The following EYS variants were observed in gnomAD, a reference collection of about 807,000 sequenced individuals.
EYS encodes the protein protein eyes shut homolog.
Under a neutral mutation model 282.1 loss-of-function variants are expected in EYS, and 250 were observed. That is an observed-to-expected ratio of 0.89 (90% CI 0.80 to 0.98). EYS has a LOEUF of 0.98. EYS is among the 50% of genes least tolerant of loss of function. The pLI is 0.00. For missense variants in EYS, 4,016 were observed against 3,709.0 expected (o/e 1.08, Z -2.15); for synonymous variants, 1,355 against 1,282.9 (o/e 1.06, Z -1.20).
At chr6:64,999,016 T>C (rs1771368116) in intron 13 of EYS, among the ~76,000 whole-genome samples, 1 of 152,210 alleles carries the variant, frequency 6.6e-6, no homozygotes, top group Admixed American at 6.5e-5. Context: ...AAAGGTCACT[T>C]TGAACAAACG....
chr6:64,979,271 T>C (rs1770575336), intron 14 of EYS, among the ~76,000 whole-genome samples: 1 of 151,752 alleles, frequency 6.6e-6, no homozygotes, highest in Admixed American at 6.6e-5. Context: ...TTTTATGAAG[T>C]AACCAATGCG....
chr6:63,847,400 T>G (rs758111443), intron 36 of EYS, among the ~76,000 whole-genome samples: 3 of 152,146 alleles, frequency 2.0e-5, no homozygotes, highest in Non-Finnish European at 4.4e-5. Flanking sequence ...TCTTCCTTCC[T>G]CTCCCTTTTT....
chr6:64,846,822 GT>G (rs978571734), intron 19 of EYS, among the ~76,000 whole-genome samples: 2 of 151,990 alleles, frequency 1.3e-5, no homozygotes, highest in African/African-American at 4.8e-5. Context: ...ATAAATTATT[GT>G]TTTTTATTAG....
At chr6:64,358,331 A>C (rs529470459) in intron 29 of EYS, among the ~76,000 whole-genome samples, 1 of 151,788 alleles carries the variant, frequency 6.6e-6, no homozygotes, top group South Asian at 2.1e-4. Context: ...AACCTGCTTC[A>C]AAGTGGCAAA....
intron 26 of EYS, among the ~76,000 whole-genome samples, chr6:64,489,073 A>G (rs956212638): frequency 9.3e-5 from 14 of 150,978 alleles, no homozygotes; most frequent in African/African-American, 3.4e-4. Context: ...ATGCTGTCTC[A>G]TAGAAAGACA....
intron 36 of EYS, chr6:63,821,319 G>A (rs1475186841): frequency 2.0e-5 from 3 of 152,050 alleles, no homozygotes; most frequent in Non-Finnish European, 4.4e-5. Context: ...ACACATCAAA[G>A]TGAGGGATTT....
chr6:65,569,477 T>C (rs1764404922), intron 2 of EYS, among the ~76,000 whole-genome samples: 2 of 152,152 alleles, frequency 1.3e-5, no homozygotes, highest in African/African-American at 4.8e-5. Flanking sequence ...ATTGTAGGAC[T>C]AACAAATTAG....
At chr6:65,522,765 G>C (rs762714551) in intron 2 of EYS, among the ~76,000 whole-genome samples, 13 of 151,840 alleles carry the variant, frequency 8.6e-5, no homozygotes, top group Non-Finnish European at 1.8e-4. Context: ...TCACATTTTT[G>C]ATACCTTTTG....
Position 64,578,921 on chromosome 6 carries a change from A to G in EYS, c.5644+11302T>C, listed in dbSNP as rs1257601473. Among the ~76,000 whole-genome samples, 3 of 152,134 alleles carry G rather than the reference A, an allele frequency of 2.0e-5. No homozygotes were observed. The East Asian group carries it at 5.8e-4, about 29-fold the overall frequency. ...TTCAAAATATTGCTGATTGATGCCT[A>G]TTAAAGTGACAACTTGTCATACTGC... is the stretch of plus-strand genomic sequence containing the variant. On this transcript the variant is annotated intron_variant, in intron 26 of 42. Coordinates refer to ENST00000503581, the MANE Select transcript of EYS (RefSeq NM_001142800.2).
intron 36 of EYS, among the ~76,000 whole-genome samples, chr6:63,858,290 C>T (rs1772443906): frequency 6.6e-6 from 1 of 152,104 alleles, no homozygotes; most frequent in African/African-American, 2.4e-5. Context: ...GAACTCCTGA[C>T]CTCAGGTGAT....
At chr6:63,792,123 A>G (rs1431850944) in intron 37 of EYS, among the ~76,000 whole-genome samples, 1 of 151,776 alleles carries the variant, frequency 6.6e-6, no homozygotes. Context: ...AGTCTGGGGG[A>G]AAAGGCTGAG....
chr6:65,272,853 C>T (rs902316530), intron 12 of EYS, among the ~76,000 whole-genome samples: 15 of 152,016 alleles, frequency 9.9e-5, no homozygotes, highest in African/African-American at 2.2e-4. Context: ...TTGGCATGAG[C>T]GGCCTTAATC....
chr6:64,701,449 T>A (rs1172188353), intron 22 of EYS, among the ~76,000 whole-genome samples: 2 of 152,042 alleles, frequency 1.3e-5, no homozygotes, highest in African/African-American at 2.4e-5. Context: ...GAGACTAATA[T>A]CCAGAATCTA....
chr6:65,275,873 A>G (rs1303621622), intron 12 of EYS, among the ~76,000 whole-genome samples: 1 of 152,140 alleles, frequency 6.6e-6, no homozygotes, highest in Non-Finnish European at 1.5e-5. Context: ...ATTACTCTGG[A>G]TATGATTTGC....
At chr6:64,701,484 A>G (rs1770786932) in intron 22 of EYS, among the ~76,000 whole-genome samples, 1 of 152,092 alleles carries the variant, frequency 6.6e-6, no homozygotes, top group East Asian at 1.9e-4. Flanking sequence ...ACCATTATAA[A>G]AAGATATCTG....
intron 31 of EYS, among the ~76,000 whole-genome samples, chr6:64,226,346 G>C (rs1407549979): frequency 1.3e-5 from 2 of 151,998 alleles, no homozygotes; most frequent in East Asian, 3.9e-4. Flanking sequence ...AATATATGTA[G>C]ATAGAATATC....
At chr6:64,683,102 G>A (rs1478973282) in intron 22 of EYS, among the ~76,000 whole-genome samples, 1 of 152,198 alleles carries the variant, frequency 6.6e-6, no homozygotes, top group Non-Finnish European at 1.5e-5. Context: ...CTCTAGGGAA[G>A]GCAGAGTTTA....
At chr6:64,352,262 A>C (rs1002106381) in intron 29 of EYS, among the ~76,000 whole-genome samples, 14 of 151,460 alleles carry the variant, frequency 9.2e-5, no homozygotes, top group African/African-American at 3.4e-4. Context: ...AAACCTCTGA[A>C]CTCTATTATT....
intron 28 of EYS, among the ~76,000 whole-genome samples, chr6:64,395,794 GAAA>G (rs565089475): frequency 6.9e-6 from 1 of 145,240 alleles, no homozygotes; most frequent in Non-Finnish European, 1.5e-5. Flanking sequence ...TAAAAAAAAA[GAAA>G]AAAAAACAAA....
Sources: allele counts gnomAD v4.1 joint callset (sites outside exome capture counted in the v4.1 genomes callset), GRCh38; gene constraint gnomAD v4.1.1; transcripts MANE v1.5; gene names NCBI Gene and HGNC (gene_info 2026-07-23, HGNC 2026-07-21).